AGAP1: variants seen among roughly 807,000 people sequenced by gnomAD.
AGAP1 encodes arf-GAP with GTPase, ANK repeat and PH domain-containing protein 1.
Under a neutral mutation model 105.3 loss-of-function variants are expected in AGAP1, and 29 were observed. That is an observed-to-expected ratio of 0.28 (90% CI 0.21 to 0.38). AGAP1 has a LOEUF of 0.38. Ranked by LOEUF, AGAP1 falls within the 10% of genes least tolerant of loss-of-function variation. AGAP1 has a pLI of 1.00. For synonymous variants in AGAP1, 509 were observed against 485.9 expected (o/e 1.05, Z -0.63); for missense variants, 998 against 1,165.1 (o/e 0.86, Z 2.09).
intron 9 of AGAP1, among the ~76,000 whole-genome samples, chr2:235,835,900 G>C (rs1470629665): frequency 6.6e-6 from 1 of 152,214 alleles, no homozygotes; most frequent in Non-Finnish European, 1.5e-5. Context: ...TTAATACATT[G>C]TAATGACATT....
rs984134549 is a variant in AGAP1 at position 235,842,719 on chromosome 2, G to GT, written c.1050+35396dup. Among the ~76,000 whole-genome samples, 5 of 151,420 alleles carry GT rather than the reference G, an allele frequency of 3.3e-5. No individual in the cohort carries two copies. Among genetic ancestry groups the GT allele is most frequent in the East Asian group, 1.9e-4 (1 of 5,160 alleles). ...AGTTTTCATCCCATGTGTCAGGTTT[G>GT]TTTTTTTTGTTTTGTTTTGTTTTTT... On this transcript the variant is annotated intron_variant, in intron 9 of 17. Coordinates refer to ENST00000304032, the MANE Select transcript of AGAP1 (RefSeq NM_001037131.3). This position sits in a 1 kb window ranked among gnomAD's most constrained non-coding sequence, Gnocchi z 5.3.
At chr2:235,624,630 G>C (rs370484530) in intron 1 of AGAP1, among the ~76,000 whole-genome samples, 35 of 152,274 alleles carry the variant, frequency 2.3e-4, no homozygotes, top group South Asian at 1.9e-3. Flanking sequence ...TGTGCTTGTG[G>C]GGAGGATGGA....
chr2:235,547,414 A>G (rs894352391), intron 1 of AGAP1, among the ~76,000 whole-genome samples: 3 of 144,072 alleles, frequency 2.1e-5, no homozygotes, highest in Non-Finnish European at 3.0e-5. Flanking sequence ...ACTGGAGTGC[A>G]GTGGTGCGAT....
chr2:236,089,831 A>G lies in AGAP1; in HGVS notation c.2115-30361A>G, dbSNP rs1171362838. Among the ~76,000 whole-genome samples, 2 of 152,088 alleles carry G rather than the reference A, an allele frequency of 1.3e-5. No homozygotes were observed. The highest frequency in any genetic ancestry group is 4.8e-5 in the African/African-American group (2 of 41,424). On this transcript the variant is annotated intron_variant, in intron 16 of 17. Coordinates refer to ENST00000304032, the MANE Select transcript of AGAP1 (RefSeq NM_001037131.3). This position sits in a 1 kb window ranked among gnomAD's most constrained non-coding sequence, Gnocchi z 5.6. ...AGGTCTAATTGGCATGTAACGCCCTATAAATTTATTAGCATGCCTCATTTC... is the reference window on the plus strand; with the variant it reads ...AGGTCTAATTGGCATGTAACGCCCTGTAAATTTATTAGCATGCCTCATTTC...
rs1031834936 is a variant in AGAP1 at position 235,734,346 on chromosome 2, C to T, written c.311-6617C>T. Among the ~76,000 whole-genome samples, 15 of 152,242 alleles carry T rather than the reference C, an allele frequency of 9.9e-5. 1 individual carries two copies. The East Asian group carries it at 2.3e-3, about 24-fold the overall frequency. On this transcript the variant is annotated intron_variant, in intron 3 of 17. Coordinates refer to ENST00000304032, the MANE Select transcript of AGAP1 (RefSeq NM_001037131.3). This position sits in a 1 kb window ranked among gnomAD's most constrained non-coding sequence, Gnocchi z 5.3. ...CTCCCTTCCAGTCTGAACCCCACAG[C>T]GCTGGGCGGTTGACGAGGTGTGGCC...
rs1345390270 is a variant in AGAP1, at chr2:235,994,983, C to G, written c.1645+26360C>G. On this transcript the variant is annotated intron_variant, in intron 13 of 17. Coordinates refer to ENST00000304032, the MANE Select transcript of AGAP1 (RefSeq NM_001037131.3). This position sits in a 1 kb window ranked among gnomAD's most constrained non-coding sequence, Gnocchi z 4.4. ...TTGGGAGGCTGAGGCAAGAGAATTG[C>G]TTGAACCCGGGAGGCAGAGGTTGCA... 1.5e-5 allele frequency among the ~76,000 whole-genome samples: 2 copies of G among 135,000 alleles called. No individual in the cohort carries two copies. The highest frequency in any genetic ancestry group is 3.1e-5 in the Non-Finnish European group (2 of 65,520). The allele number at this position is 135,000 out of a possible 152,430, so 88.6% of individuals were successfully genotyped here. A position where few individuals can be genotyped will look rare whatever the true frequency, so the allele number is the denominator to read the frequency against.
At chr2:235,707,472 A>AACCCCCC (rs1950593577) in intron 1 of AGAP1, among the ~76,000 whole-genome samples, 1 of 22,408 alleles carries the variant, frequency 4.5e-5, no homozygotes, top group African/African-American at 9.8e-5. Context: ...CCTCCCCATG[A>AACCCCCC]CCCCCCCCCC....
chr2:235,654,206 G>A (rs1408656776), intron 1 of AGAP1, among the ~76,000 whole-genome samples: 1 of 152,236 alleles, frequency 6.6e-6, no homozygotes, highest in Non-Finnish European at 1.5e-5. Flanking sequence ...GATGACAAAG[G>A]CCCATGAAGG....
At chr2:235,849,491 TG>T (rs1242847095) in intron 9 of AGAP1, among the ~76,000 whole-genome samples, 2 of 144,346 alleles carry the variant, frequency 1.4e-5, no homozygotes, top group Admixed American at 6.9e-5. Context: ...TCTCCTGCAG[TG>T]GAGGACAGGT....
chr2:235,810,195 A>T (rs571287663), intron 9 of AGAP1, among the ~76,000 whole-genome samples: 1 of 152,122 alleles, frequency 6.6e-6, no homozygotes, highest in Admixed American at 6.5e-5. Context: ...GCAGCAACAT[A>T]TTTCTCCAGG....
chr2:235,563,998 A>G (rs1944255934), intron 1 of AGAP1, among the ~76,000 whole-genome samples: 1 of 152,008 alleles, frequency 6.6e-6, no homozygotes, highest in African/African-American at 2.4e-5. Context: ...TGCCTCCTGG[A>G]GCCTCTTTGT....
chr2:235,510,003 T>C (rs1942004302), intron 1 of AGAP1, among the ~76,000 whole-genome samples: 1 of 152,148 alleles, frequency 6.6e-6, no homozygotes, highest in Non-Finnish European at 1.5e-5. Context: ...GATCTAGATT[T>C]GGCGCTCCTT....
At chr2:235,710,452 A>C (rs1276419495) in intron 2 of AGAP1, among the ~76,000 whole-genome samples, 1 of 151,944 alleles carries the variant, frequency 6.6e-6, no homozygotes. Flanking sequence ...CCCCACCGCA[A>C]CCGCGGGGTG....
In AGAP1 at chr2:235,865,257, G is replaced by A. The variant is rs781467421; in HGVS notation, c.1051-18088G>A. On this transcript the variant is annotated intron_variant, in intron 9 of 17. Coordinates refer to ENST00000304032, the MANE Select transcript of AGAP1 (RefSeq NM_001037131.3). This position sits in a 1 kb window ranked among gnomAD's most constrained non-coding sequence, Gnocchi z 6.2. ...CTCCTGGCCGAATCCAGTCCCGGCC[G>A]GCGCTTTGAAGCCTGTGCTGTGCGA... is the stretch of plus-strand genomic sequence containing the variant. Among the ~76,000 whole-genome samples the A allele has an allele frequency of 7.2e-5, 11 of 152,144 alleles. No individual in the cohort carries two copies. Among genetic ancestry groups the A allele is most frequent in the South Asian group, 2.1e-4 (1 of 4,830 alleles).
rs2054021695 is a variant in AGAP1, at chr2:235,958,049, GTCTT to G, written c.1484-10407_1484-10404del. ...AGCATTTTCCTCTCTCTTTTCTTTT[GTCTT>G]TCTTTTCCTTTTTTTCCATATAGAT... On this transcript the variant is annotated intron_variant, in intron 12 of 17. Coordinates refer to ENST00000304032, the MANE Select transcript of AGAP1 (RefSeq NM_001037131.3). This position sits in a 1 kb window ranked among gnomAD's most constrained non-coding sequence, Gnocchi z 4.1. 6.6e-6 allele frequency among the ~76,000 whole-genome samples: 1 copy of G among 152,144 alleles called. No individual in the cohort carries two copies. The highest frequency in any genetic ancestry group is 2.4e-5 in the African/African-American group (1 of 41,424).
In AGAP1 at chr2:235,882,299, G is replaced by T; in HGVS notation, c.1051-1046G>T. 1 of 662,024 alleles carries T rather than the reference G, an allele frequency of 1.5e-6. No homozygotes were observed. Among genetic ancestry groups the T allele is most frequent in the Non-Finnish European group, 2.5e-6 (1 of 393,986 alleles). The allele number at this position is 662,024 out of a possible 1,614,324, so 41.0% of individuals were successfully genotyped here. Reference sequence around the variant, plus strand: ...GTGGCTCGTGTCCATCTTGCAGGTCGCTCTTCCTCCACATCACAACTGGGG... The same window carrying T: ...GTGGCTCGTGTCCATCTTGCAGGTCTCTCTTCCTCCACATCACAACTGGGG... On this transcript the variant is annotated intron_variant, in intron 9 of 17. Coordinates refer to ENST00000304032, the MANE Select transcript of AGAP1 (RefSeq NM_001037131.3). This position sits in a 1 kb window ranked among gnomAD's most constrained non-coding sequence, Gnocchi z 4.6.
rs1376308923 is a variant in AGAP1, at chr2:235,750,310, C to T, written c.539-44C>T. The T allele has an allele frequency of 1.2e-6, 2 of 1,611,882 alleles. No individual in the cohort carries two copies. The highest frequency in any genetic ancestry group is 1.3e-5 in the African/African-American group (1 of 74,876). On this transcript the variant is annotated intron_variant, in intron 5 of 17. Transcript: ENST00000304032. The surrounding 1 kb of genome is among the most constrained non-coding windows in gnomAD (Gnocchi z 5.3). Reference sequence around the variant, plus strand: ...TGGGGAGTGTAGGAAGTATTTAGAGCTGTCATTGTCACTGTGCCGTTACTT... The same window carrying T: ...TGGGGAGTGTAGGAAGTATTTAGAGTTGTCATTGTCACTGTGCCGTTACTT...
rs898773291 is a variant in AGAP1, at chr2:235,905,331, CTG to C, written c.1156-3404_1156-3403del. Among the ~76,000 whole-genome samples the C allele has an allele frequency of 2.6e-4, 40 of 152,268 alleles. 1 individual carries two copies. Among genetic ancestry groups the C allele is most frequent in the African/African-American group, 8.9e-4 (37 of 41,544 alleles). The stretch of plus-strand genomic sequence containing the variant: ...CAAGTTGATATTTTTAAAGGAGTAA[CTG>C]TGCAAGAAGGAATTCATTATTTACA... On this transcript the variant is annotated intron_variant, in intron 10 of 17. Coordinates refer to ENST00000304032, the MANE Select transcript of AGAP1 (RefSeq NM_001037131.3). The surrounding 1 kb of genome is among the most constrained non-coding windows in gnomAD (Gnocchi z 4.2).
chr2:235,887,440 C>T lies in AGAP1; in HGVS notation c.1155+3991C>T, dbSNP rs774730666. Among the ~76,000 whole-genome samples the T allele has an allele frequency of 6.6e-6, 1 of 152,198 alleles. No homozygotes were observed. The highest frequency in any genetic ancestry group is 1.5e-5 in the Non-Finnish European group (1 of 68,034). On this transcript the variant is annotated intron_variant, in intron 10 of 17. Coordinates refer to ENST00000304032, the MANE Select transcript of AGAP1 (RefSeq NM_001037131.3). This position sits in a 1 kb window ranked among gnomAD's most constrained non-coding sequence, Gnocchi z 4.1. ...AGGCCCATGTCCAGCCTCTGTAGAC[C>T]TATATCAAGTCATTAAAAGTAGATG...
Sources: allele counts gnomAD v4.1 joint callset (sites outside exome capture counted in the v4.1 genomes callset), GRCh38; gene constraint gnomAD v4.1.1; non-coding constraint Gnocchi (gnomAD v3.1); transcripts MANE v1.5; gene names NCBI Gene and HGNC (gene_info 2026-07-23, HGNC 2026-07-21).